The following ROBO1 variants were observed in gnomAD, a reference collection of about 807,000 sequenced individuals.
The protein encoded by ROBO1 is roundabout homolog 1.
In ROBO1, 149 loss-of-function variants were observed where a neutral mutation model predicts 195.9. The ratio of observed to expected loss-of-function variants is 0.76; its 90% CI spans 0.67 to 0.87. The LOEUF is 0.87. Among genes scored for constraint, ROBO1 ranks in the 40% least tolerant of loss-of-function variants. The pLI is 0.00. For synonymous variants in ROBO1, 816 were observed against 733.2 expected (o/e 1.11, Z -1.82); for missense variants, 1,933 against 2,068.3 (o/e 0.93, Z 1.27).
chr3:78,778,160 G>A (rs1306389479), intron 4 of ROBO1, among the ~76,000 whole-genome samples: 2 of 152,050 alleles, frequency 1.3e-5, no homozygotes, highest in Non-Finnish European at 2.9e-5. Flanking sequence ...ATGTTGAACC[G>A]GCCTTGCATC....
intron 2 of ROBO1, among the ~76,000 whole-genome samples, chr3:79,182,027 C>A (rs1051248248): frequency 1.3e-4 from 20 of 150,828 alleles, no homozygotes; most frequent in African/African-American, 4.6e-4. Context: ...TATTGGAAAT[C>A]AAGGTCAGTT....
chr3:78,638,485 A>G (rs956677563), intron 22 of ROBO1, among the ~76,000 whole-genome samples: 5 of 151,938 alleles, frequency 3.3e-5, no homozygotes, highest in Non-Finnish European at 7.4e-5. Context: ...AATTTGGTTC[A>G]TTATAACTAT....
At chr3:79,098,256 T>G (rs763616413) in intron 3 of ROBO1, among the ~76,000 whole-genome samples, 55 of 151,978 alleles carry the variant, frequency 3.6e-4, no homozygotes, top group Middle Eastern at 3.4e-3. Flanking sequence ...GTCCTTATGT[T>G]TAACTGGGGT....
intron 2 of ROBO1, among the ~76,000 whole-genome samples, chr3:79,422,535 G>A (rs1392791235): frequency 1.3e-5 from 2 of 152,124 alleles, no homozygotes; most frequent in African/African-American, 4.8e-5. Flanking sequence ...GGATCCCTGA[G>A]TGTACCACTT....
intron 3 of ROBO1, among the ~76,000 whole-genome samples, chr3:79,069,913 T>C (rs1353232650): frequency 6.6e-6 from 1 of 151,934 alleles, no homozygotes; most frequent in Non-Finnish European, 1.5e-5. Context: ...TTCTATTCAT[T>C]ATGTTTTTTC....
chr3:79,041,540 A>T (rs546525979), intron 3 of ROBO1, among the ~76,000 whole-genome samples: 1 of 152,088 alleles, frequency 6.6e-6, no homozygotes, highest in Admixed American at 6.5e-5. Flanking sequence ...ATTAACAGTT[A>T]TATTTTTGAA....
At chr3:79,015,759 T>G (rs149892118) in intron 3 of ROBO1, among the ~76,000 whole-genome samples, 33 of 152,328 alleles carry the variant, frequency 2.2e-4, no homozygotes, top group African/African-American at 7.9e-4. Context: ...TAGCATCAAG[T>G]TAATAGATAA....
intron 3 of ROBO1, among the ~76,000 whole-genome samples, chr3:79,032,118 A>G (rs2108305423): frequency 6.6e-6 from 1 of 151,312 alleles, no homozygotes; most frequent in South Asian, 2.1e-4. Context: ...TAAGAGAGGG[A>G]AACAATAGCT....
At chr3:78,703,699 TAA>T (rs2081476142) in intron 8 of ROBO1, among the ~76,000 whole-genome samples, 1 of 152,016 alleles carries the variant, frequency 6.6e-6, no homozygotes. Context: ...AGATTAGTAT[TAA>T]GAGTATCCAT....
At chr3:79,724,114 T>C (rs932574135) in intron 1 of ROBO1, among the ~76,000 whole-genome samples, 2 of 152,250 alleles carry the variant, frequency 1.3e-5, no homozygotes, top group African/African-American at 4.8e-5. Flanking sequence ...TCACTAACAT[T>C]TGACGCTGTG....
intron 25 of ROBO1, among the ~76,000 whole-genome samples, chr3:78,629,719 T>C (rs1213970856): frequency 6.6e-6 from 1 of 152,094 alleles, no homozygotes; most frequent in Non-Finnish European, 1.5e-5. Context: ...TACTTGCAGA[T>C]TCCATATCTG....
At chr3:78,985,395 TTTATG>T (rs1221102957) in intron 3 of ROBO1, among the ~76,000 whole-genome samples, 1 of 152,314 alleles carries the variant, frequency 6.6e-6, no homozygotes, top group East Asian at 1.9e-4. Context: ...TAATTCACTG[TTTATG>T]TTATTGGTAA....
chr3:79,634,142 G>C (rs1426457623), intron 1 of ROBO1, among the ~76,000 whole-genome samples: 1 of 152,208 alleles, frequency 6.6e-6, no homozygotes, highest in Non-Finnish European at 1.5e-5. Context: ...TATTTCAACA[G>C]GTTGCCTCTG....
At chr3:79,077,281 G>A (rs565700141) in intron 3 of ROBO1, among the ~76,000 whole-genome samples, 1 of 151,898 alleles carries the variant, frequency 6.6e-6, no homozygotes, top group African/African-American at 2.4e-5. Flanking sequence ...TCCTAAGACA[G>A]AATTCCTAGA....
chr3:78,652,904 T>A (rs1366383096), intron 18 of ROBO1, among the ~76,000 whole-genome samples: 1 of 152,034 alleles, frequency 6.6e-6, no homozygotes, highest in African/African-American at 2.4e-5. Flanking sequence ...GGCTGTATCA[T>A]CAAAGCAATA....
At chr3:79,730,350 C>A (rs973956647) in intron 1 of ROBO1, among the ~76,000 whole-genome samples, 4 of 152,118 alleles carry the variant, frequency 2.6e-5, no homozygotes, top group Non-Finnish European at 5.9e-5. Flanking sequence ...TGGCCAAAAT[C>A]ACATATATCT....
chr3:79,166,825 T>C (rs1432911982), intron 2 of ROBO1, among the ~76,000 whole-genome samples: 1 of 152,130 alleles, frequency 6.6e-6, no homozygotes, highest in Non-Finnish European at 1.5e-5. Context: ...TTTTTCTTAA[T>C]TTGTTCACTA....
At chr3:79,554,951 G>T (rs1942646578) in intron 2 of ROBO1, among the ~76,000 whole-genome samples, 1 of 152,044 alleles carries the variant, frequency 6.6e-6, no homozygotes, top group African/African-American at 2.4e-5. Flanking sequence ...ATGTCTAAGA[G>T]CTTAGCCTGA....
intron 2 of ROBO1, among the ~76,000 whole-genome samples, chr3:79,575,290 A>G (rs1332497142): frequency 7.9e-6 from 1 of 127,254 alleles, no homozygotes; most frequent in Non-Finnish European, 1.6e-5. Context: ...ATATAAATAT[A>G]TATAACAAAT....
Sources: gnomAD v4.1 joint callset for allele counts (sites outside exome capture counted in the v4.1 genomes callset) on GRCh38, gnomAD v4.1.1 for gene constraint, MANE v1.5 for transcripts, NCBI Gene and HGNC (gene_info 2026-07-23, HGNC 2026-07-21) for gene names.